Variants in DCDC1 observed in about 807,000 individuals in gnomAD.
The protein encoded by DCDC1 is doublecortin domain containing 1, also known as doublecortin domain-containing protein 1.
Under a neutral mutation model 178.3 loss-of-function variants are expected in DCDC1, and 200 were observed. The observed-to-expected ratio is 1.12, with a 90% CI of 1.00 to 1.26. The LOEUF (loss-of-function observed/expected upper bound fraction) is 1.26. Ranked by LOEUF, DCDC1 falls within the 50% of genes most tolerant of loss-of-function variation. The probability of loss-of-function intolerance (pLI) is 0.00; values close to 1 mark genes in which losing one functional copy is unlikely to be tolerated. For missense variants in DCDC1, 1,983 were observed against 1,749.2 expected (o/e 1.13, Z -2.38); for synonymous variants, 690 against 604.8 (o/e 1.14, Z -2.07).
At chr11:31,051,558 T>C (rs1955249834) in intron 20 of DCDC1, among the ~76,000 whole-genome samples, 1 of 152,136 alleles carries the variant, frequency 6.6e-6, no homozygotes, top group African/African-American at 2.4e-5. Context: ...GGAAAGAATC[T>C]TAAGAGCTGT....
At chr11:31,157,757 A>G (rs1965878035) in intron 9 of DCDC1, among the ~76,000 whole-genome samples, 1 of 152,200 alleles carries the variant, frequency 6.6e-6, no homozygotes, top group South Asian at 2.1e-4. Context: ...CTAGAAATGC[A>G]TGGCAATGAT....
At chr11:31,029,481 C>T (rs1953476679) in intron 20 of DCDC1, among the ~76,000 whole-genome samples, 1 of 152,002 alleles carries the variant, frequency 6.6e-6, no homozygotes, top group African/African-American at 2.4e-5. Flanking sequence ...GTGCAGATGC[C>T]TATGATATTT....
chr11:31,009,491 C>G (rs2135103771), intron 20 of DCDC1, among the ~76,000 whole-genome samples: 1 of 150,924 alleles, frequency 6.6e-6, no homozygotes, highest in African/African-American at 2.4e-5. Flanking sequence ...GGTATTGGCT[C>G]ATATGTCTAT....
At chr11:31,258,835 T>G (rs1263426625) in intron 8 of DCDC1, among the ~76,000 whole-genome samples, 1 of 152,146 alleles carries the variant, frequency 6.6e-6, no homozygotes, top group Non-Finnish European at 1.5e-5. Flanking sequence ...CCACTGTGAT[T>G]GAAGATGCCA....
chr11:31,294,226 C>A (rs1231126880), intron 6 of DCDC1, among the ~76,000 whole-genome samples: 1 of 151,814 alleles, frequency 6.6e-6, no homozygotes, highest in African/African-American at 2.4e-5. Context: ...GAAAGGTATT[C>A]CAAGCAGAGT....
chr11:30,931,678 C>G (rs1230763598), intron 22 of DCDC1, 93 bp downstream of exon 22: 5 of 1,304,594 alleles, frequency 3.8e-6, no homozygotes, highest in Middle Eastern at 1.9e-4. Flanking sequence ...TAAATAAATA[C>G]AGAATTCCCA....
At chr11:31,223,031 A>G (rs1444618764) in intron 9 of DCDC1, among the ~76,000 whole-genome samples, 1 of 152,220 alleles carries the variant, frequency 6.6e-6, no homozygotes, top group African/African-American at 2.4e-5. Flanking sequence ...GAAATATCAA[A>G]CATTAAAATA....
At position 31,223,698 on chromosome 11, in the gene DCDC1, A is replaced by G. The variant is rs916255694; in HGVS notation, c.1221+17752T>C. ...TTAAAAGTCAATGCATAACATCTTT[A>G]TATTTCAGCATAAATATGTCTCATA... On this transcript the variant is annotated intron_variant, in intron 9 of 38. Transcript: ENST00000684477. Among the ~76,000 whole-genome samples the G allele has an allele frequency of 3.3e-5, 5 of 152,184 alleles. No individual in the cohort carries two copies. In the South Asian group the frequency reaches 6.2e-4, roughly 19 times the overall value.
intron 9 of DCDC1, among the ~76,000 whole-genome samples, chr11:31,173,396 A>G (rs1359474109): frequency 6.6e-6 from 1 of 152,092 alleles, no homozygotes; most frequent in African/African-American, 2.4e-5. Flanking sequence ...ATGAAAGCAG[A>G]TTTTTTTTCT....
At chr11:30,984,427 G>C (rs898448528) in intron 20 of DCDC1, among the ~76,000 whole-genome samples, 2 of 152,164 alleles carry the variant, frequency 1.3e-5, no homozygotes, top group East Asian at 3.9e-4. Flanking sequence ...ACTGATTTTA[G>C]TTTGGTAAGC....
intron 21 of DCDC1, among the ~76,000 whole-genome samples, chr11:30,939,881 CTA>C (rs2134379065): frequency 6.6e-6 from 1 of 152,240 alleles, no homozygotes; most frequent in Admixed American, 6.5e-5. Flanking sequence ...GTCAGTAAAA[CTA>C]TTAGATCATG....
chr11:31,098,648 A>G lies in DCDC1; in HGVS notation c.1983+3529T>C, dbSNP rs1958307326. The stretch of plus-strand genomic sequence containing the variant: ...TCCTCTTAGTGTGTTCTCTACCCCA[A>G]TGAGCAGCAAGATTCTACAATAAAA... On this transcript the variant is annotated intron_variant, in intron 15 of 38. Transcript: ENST00000684477. 2.0e-5 allele frequency among the ~76,000 whole-genome samples: 3 copies of G among 152,276 alleles called. No homozygotes were observed. The South Asian group carries it at 6.2e-4, about 32-fold the overall frequency.
intron 31 of DCDC1, 77 bp from the exon 32 acceptor site, chr11:30,903,760 T>A: frequency 8.3e-7 from 1 of 1,199,716 alleles, no homozygotes; most frequent in Non-Finnish European, 1.1e-6. Context: ...CTTGTCATTC[T>A]AAAAATCTGA....
intron 10 of DCDC1, among the ~76,000 whole-genome samples, chr11:31,136,364 T>C (rs1963133302): frequency 1.3e-5 from 2 of 152,106 alleles, no homozygotes; most frequent in South Asian, 2.1e-4. Context: ...ATTTTCCTTA[T>C]GAAATATTAT....
intron 9 of DCDC1, among the ~76,000 whole-genome samples, chr11:31,202,343 G>T (rs1313314499): frequency 6.6e-6 from 1 of 151,922 alleles, no homozygotes; most frequent in African/African-American, 2.4e-5. Flanking sequence ...CGGGTGGATT[G>T]CTTGAGTCCA....
At chr11:30,877,831 G>GA (rs1942277738) in intron 38 of DCDC1, among the ~76,000 whole-genome samples, 1 of 152,152 alleles carries the variant, frequency 6.6e-6, no homozygotes, top group Admixed American at 6.5e-5. Flanking sequence ...GGCTGAGCCA[G>GA]AAAATGTCAG....
intron 23 of DCDC1, among the ~76,000 whole-genome samples, chr11:30,923,473 G>C (rs1946390957): frequency 6.8e-6 from 1 of 147,572 alleles, no homozygotes; most frequent in Admixed American, 6.8e-5. Flanking sequence ...TTAAAGATGA[G>C]AAAAGAAAGT....
chr11:31,137,093 C>A (rs1285303938), intron 10 of DCDC1, among the ~76,000 whole-genome samples: 1 of 152,082 alleles, frequency 6.6e-6, no homozygotes, highest in Non-Finnish European at 1.5e-5. Context: ...GGTTTTATAA[C>A]TTCCAGTTTC....
rs181398442 is a variant in DCDC1, at chr11:31,300,906, G to T, written c.754+4709C>A. Among the ~76,000 whole-genome samples, 451 of 152,218 alleles carry T rather than the reference G, an allele frequency of 3.0e-3. 2 individuals carry two copies. Among genetic ancestry groups the T allele is most frequent in the African/African-American group, 0.01 (416 of 41,548 alleles). ...TTTTATGGTTATGTCAAGAATTTAGGTGTTTTTCAATGATTTGGTATTTGA... is the reference window on the plus strand; with the variant it reads ...TTTTATGGTTATGTCAAGAATTTAGTTGTTTTTCAATGATTTGGTATTTGA... On this transcript the variant is annotated intron_variant, in intron 6 of 38. Transcript: ENST00000684477.
Sources: allele counts gnomAD v4.1 joint callset (sites outside exome capture counted in the v4.1 genomes callset), GRCh38; gene constraint gnomAD v4.1.1; transcripts MANE v1.5; gene names NCBI Gene and HGNC (gene_info 2026-07-23, HGNC 2026-07-21).